The following TUBD1 variants were observed in gnomAD, a reference collection of about 807,000 sequenced individuals.
The protein encoded by TUBD1 is tubulin delta 1.
In TUBD1, 38 loss-of-function variants were observed where a neutral mutation model predicts 51.2. The ratio of observed to expected loss-of-function variants is 0.74; its 90% CI spans 0.57 to 0.97. TUBD1 has a LOEUF of 0.97. Among genes scored for constraint, TUBD1 ranks in the 50% least tolerant of loss-of-function variants. The pLI is 0.00. For synonymous variants in TUBD1, 169 were observed against 178.2 expected, an observed-to-expected ratio of 0.95 and a Z score of 0.41; for missense variants, 489 against 538.4, an observed-to-expected ratio of 0.91 and a Z score of 0.91.
At chr17:59,879,200 G>A (rs1467589157) in intron 4 of TUBD1, among the ~76,000 whole-genome samples, 1 of 151,484 alleles carries the variant, frequency 6.6e-6, no homozygotes, top group Non-Finnish European at 1.5e-5. Context: ...CCCGGGAGGC[G>A]GAGGTTGCGG....
chr17:59,881,969 G>A (rs927757898), intron 3 of TUBD1, among the ~76,000 whole-genome samples: 5 of 151,954 alleles, frequency 3.3e-5, no homozygotes, highest in Non-Finnish European at 4.4e-5. Context: ...GCGCCTGGCC[G>A]CTTTTACTAT....
chr17:59,888,130 T>C (rs996532624), intron 2 of TUBD1, among the ~76,000 whole-genome samples: 2 of 152,054 alleles, frequency 1.3e-5, no homozygotes, highest in African/African-American at 4.8e-5. Flanking sequence ...AGAGACGGGA[T>C]TTTACTGTGT....
intron 2 of TUBD1, 30 bp downstream of exon 2, chr17:59,890,801 G>C (rs2040964099): frequency 1.3e-6 from 2 of 1,577,332 alleles, no homozygotes; most frequent in Admixed American, 3.7e-5. Flanking sequence ...TTAGATCAGA[G>C]TAAAGGAGAG....
At chr17:59,889,107 G>T (rs565982185) in intron 2 of TUBD1, among the ~76,000 whole-genome samples, 1 of 130,834 alleles carries the variant, frequency 7.6e-6, no homozygotes, top group African/African-American at 2.9e-5. Context: ...CCCCCCTCCC[G>T]GGTTCAAGTG....
intron 8 of TUBD1, among the ~76,000 whole-genome samples, 179 bp downstream of exon 8, chr17:59,863,485 T>C (rs2039555840): frequency 6.6e-6 from 1 of 152,010 alleles, no homozygotes; most frequent in African/African-American, 2.4e-5. Context: ...GGTAGGCGCC[T>C]GTAATCCCAG....
intron 6 of TUBD1, among the ~76,000 whole-genome samples, chr17:59,872,769 A>AT (rs1173662832): frequency 1.0e-3 from 142 of 135,240 alleles, no homozygotes; most frequent in East Asian, 4.0e-3. Context: ...TCAATTCTCA[A>AT]TTTTTTTTTT....
At chr17:59,876,064 G>T (rs561033798) in intron 5 of TUBD1, among the ~76,000 whole-genome samples, 1 of 152,240 alleles carries the variant, frequency 6.6e-6, no homozygotes, top group East Asian at 1.9e-4. Flanking sequence ...TTGTGCTAAT[G>T]GAGTGTCCTC....
intron 6 of TUBD1, among the ~76,000 whole-genome samples, chr17:59,871,286 GC>G (rs1329700582): frequency 1.3e-5 from 2 of 152,052 alleles, no homozygotes; most frequent in African/African-American, 4.8e-5. Flanking sequence ...ACTTCCCTCT[GC>G]CTCCCAAGTT....
At chr17:59,884,989 A>C (rs1235409297) in intron 3 of TUBD1, 3 of 264,318 alleles carry the variant, frequency 1.1e-5, no homozygotes, top group African/African-American at 4.6e-5. Context: ...TCAGAATCTC[A>C]GCAGAAGGGA....
intron 6 of TUBD1, 70 bp from the exon 7 acceptor site, chr17:59,866,819 T>A (rs2144445422): frequency 7.4e-7 from 1 of 1,347,384 alleles, no homozygotes; most frequent in East Asian, 2.5e-5. Flanking sequence ...AGTCTCACTC[T>A]GTTGCCCAGG....
At position 59,874,716 on chromosome 17, in the gene TUBD1, A is replaced by C; in HGVS notation, c.770-13T>G. The C allele has an allele frequency of 1.9e-6, 3 of 1,597,302 alleles. No individual in the cohort carries two copies. Among genetic ancestry groups the C allele is most frequent in the Non-Finnish European group, 2.6e-6 (3 of 1,176,180 alleles). On this transcript the variant is annotated splice_polypyrimidine_tract_variant and intron_variant, in intron 5 of 8. Coordinates refer to ENST00000325752, the MANE Select transcript of TUBD1 (RefSeq NM_016261.4). ...TCCATTAAGTCTCCTGTAAAGAAAA[A>C]AAAATCTGAACTAATTTTTTTTTAT...
intron 4 of TUBD1, among the ~76,000 whole-genome samples, chr17:59,879,210 G>A (rs2040367986): frequency 6.7e-6 from 1 of 149,522 alleles, no homozygotes; most frequent in African/African-American, 2.5e-5. Context: ...GGAGGTTGCG[G>A]TGAGCCAAGA....
intron 2 of TUBD1, among the ~76,000 whole-genome samples, chr17:59,887,976 G>A (rs1391543971): frequency 6.7e-6 from 1 of 148,940 alleles, no homozygotes; most frequent in South Asian, 2.1e-4. Context: ...GCTCTGTCCC[G>A]CAGGCTGGAG....
intron 3 of TUBD1, among the ~76,000 whole-genome samples, chr17:59,883,106 T>C (rs1299016845): frequency 2.0e-5 from 3 of 151,058 alleles, no homozygotes; most frequent in South Asian, 2.1e-4. Context: ...TTCTTTTTTC[T>C]TTTTTTTGAG....
Position 59,892,821 on chromosome 17 carries a change from G to A in TUBD1, c.-164C>T, listed in dbSNP as rs1182072907. ...AATGCGCATGTTCCATAAACGGAGA[G>A]TTTTGTTGTGTATATATTTTTTCCT... is the stretch of plus-strand genomic sequence containing the variant. On this transcript the variant is annotated 5_prime_UTR_variant, in exon 1 of 9. Transcript: ENST00000325752. The A allele has an allele frequency of 3.3e-5, 7 of 211,514 alleles. No individual in the cohort carries two copies. The Admixed American group carries it at 3.6e-4, about 11-fold the overall frequency. The allele number at this position is 211,514 out of a possible 1,614,324, so 13.1% of individuals were successfully genotyped here. A position where few individuals can be genotyped will look rare whatever the true frequency, so the allele number is the denominator to read the frequency against.
intron 2 of TUBD1, among the ~76,000 whole-genome samples, chr17:59,890,391 A>G (rs930445540): frequency 2.0e-5 from 3 of 151,910 alleles, no homozygotes; most frequent in African/African-American, 4.8e-5. Context: ...TTACAGGCAC[A>G]TGCCACCACG....
intron 6 of TUBD1, among the ~76,000 whole-genome samples, chr17:59,872,982 C>T (rs539185163): frequency 3.2e-4 from 48 of 151,950 alleles, no homozygotes; most frequent in African/African-American, 1.0e-3. Context: ...AGGCTGGTCT[C>T]GAACTCCTGA....
intron 2 of TUBD1, among the ~76,000 whole-genome samples, chr17:59,888,823 T>A (rs2040852409): frequency 6.6e-6 from 1 of 151,434 alleles, no homozygotes; most frequent in African/African-American, 2.4e-5. Context: ...GCGATTCTCC[T>A]GCCTCAGCCT....
chr17:59,879,989 G>A (rs2040408618), intron 4 of TUBD1, among the ~76,000 whole-genome samples: 1 of 152,038 alleles, frequency 6.6e-6, no homozygotes, highest in Admixed American at 6.6e-5. Flanking sequence ...CTGACCTCAG[G>A]TGATCCATCC....
Sources: allele counts gnomAD v4.1 joint callset (sites outside exome capture counted in the v4.1 genomes callset), GRCh38; gene constraint gnomAD v4.1.1; transcripts MANE v1.5; gene names NCBI Gene and HGNC (gene_info 2026-07-23, HGNC 2026-07-21).